FOXP3: variants seen among roughly 807,000 people sequenced by gnomAD.
FOXP3 encodes forkhead box protein P3.
A neutral mutation model predicts 31.2 loss-of-function variants in FOXP3; 5 were observed. That is an observed-to-expected ratio of 0.16 (90% CI 0.08 to 0.34). FOXP3 has a LOEUF of 0.34. FOXP3 is among the 10% of genes least tolerant of loss of function. FOXP3 has a pLI of 1.00. For synonymous variants in FOXP3, 141 were observed against 148.8 expected (o/e 0.95, Z 0.38); for missense variants, 251 against 363.0 (o/e 0.69, Z 2.51).
In FOXP3 at chrX:49,250,597, G is replaced by C. The variant is rs1326809055; in HGVS notation, c.*737C>G. On this transcript the variant is annotated 3_prime_UTR_variant, in exon 12 of 12. Coordinates refer to ENST00000376207, the MANE Select transcript of FOXP3 (RefSeq NM_014009.4). ...GCAGGGGAGACACGGGGTATTTTTG[G>C]CAAGGCAGTGTGTGTGGCTGTGTGT... is the stretch of plus-strand genomic sequence containing the variant. 5.6e-6 allele frequency: 2 copies of C among 358,197 alleles called. No homozygotes were observed. The highest frequency in any genetic ancestry group is 5.1e-5 in the African/African-American group (2 of 39,536). 29.5% of individuals were successfully genotyped at this position (358,197 alleles called of 1,213,427 possible).
chrX:49,260,295 C>A (rs2066102310), intron 1 of FOXP3, among the ~76,000 whole-genome samples: 1 of 112,057 alleles, frequency 8.9e-6, no homozygotes. Flanking sequence ...CCAGAAGGAA[C>A]CAACCCTGGC....
chrX:49,253,749 G>A (rs952807393), intron 9 of FOXP3, among the ~76,000 whole-genome samples, 168 bp downstream of exon 9: 3 of 111,956 alleles, frequency 2.7e-5, no homozygotes, highest in Non-Finnish European at 5.6e-5. Flanking sequence ...CGGACATCCC[G>A]AAAGGAAGCT....
chrX:49,261,672 G>A (rs969472259), intron 1 of FOXP3, among the ~76,000 whole-genome samples: 1 of 112,214 alleles, frequency 8.9e-6, no homozygotes, highest in Non-Finnish European at 1.9e-5. Flanking sequence ...CTGTGATCGT[G>A]GATCGTCCAA....
chrX:49,256,115 G>A (rs370936702), intron 6 of FOXP3, among the ~76,000 whole-genome samples: 8 of 110,534 alleles, frequency 7.2e-5, no homozygotes, highest in South Asian at 3.8e-4. Context: ...GGGACGGCCT[G>A]TGCAAAGGCC....
At chrX:49,255,626 G>A in intron 7 of FOXP3, 89 bp downstream of exon 7, 10 of 1,110,513 alleles carry the variant, frequency 9.0e-6, no homozygotes, top group Middle Eastern at 2.4e-4. Context: ...ACCAGCCCTC[G>A]TCCCAGGTGA....
At position 49,250,730 on chromosome X, in the gene FOXP3, A is replaced by G. The variant is rs1263599520; in HGVS notation, c.*604T>C. On this transcript the variant is annotated 3_prime_UTR_variant, in exon 12 of 12. Coordinates refer to ENST00000376207, the MANE Select transcript of FOXP3 (RefSeq NM_014009.4). The stretch of plus-strand genomic sequence containing the variant: ...TGTGTGTGAGCGAGCACGTGTTGGG[A>G]CCTCAGATCCTGAGGGTACTGACGC... 1 of 253,265 alleles carries G rather than the reference A, an allele frequency of 3.9e-6. No individual in the cohort carries two copies. Among genetic ancestry groups the G allele is most frequent in the African/African-American group, 2.9e-5 (1 of 34,773 alleles). 20.9% of individuals were successfully genotyped at this position (253,265 alleles called of 1,213,427 possible).
chrX:49,256,226 G>A (rs1448003634), intron 6 of FOXP3, among the ~76,000 whole-genome samples: 16 of 11,232 alleles, frequency 1.4e-3, no homozygotes, highest in Admixed American at 5.6e-3. Flanking sequence ...GAGAAAGAGA[G>A]AGAGAGAGAG....
chrX:49,257,619 G>A, intron 3 of FOXP3, 45 bp downstream of exon 3: 1 of 1,187,092 alleles, frequency 8.4e-7, no homozygotes, highest in Non-Finnish European at 1.1e-6. Flanking sequence ...CCTCCCCACA[G>A]TTCTCCCACC....
rs1557116153 is a variant in FOXP3, at chrX:49,255,446, T to A, written c.799A>T (p.Thr267Ser). Residue 267 changes from threonine to serine, a missense_variant, in exon 8 of 12, where the codon ACC becomes TCC. By Grantham distance (58) the Thr-to-Ser change is moderately conservative. Transcript: ENST00000376207. ...QAHLAGKMAL[T>S]KASSVASSDK... is the part of the protein sequence containing the mutation. The stretch of plus-strand genomic sequence containing the variant: ...TCGCTCACCACAGATGAAGCCTTGG[T>A]CAGTGCCATTTTCCCAGCCAGGTGG... 2 of 1,204,119 alleles carry A rather than the reference T, an allele frequency of 1.7e-6. No individual in the cohort carries two copies. Among genetic ancestry groups the A allele is most frequent in the South Asian group, 1.8e-5 (1 of 55,357 alleles).
At chrX:49,258,162 G>T in intron 2 of FOXP3, 134 bp downstream of exon 2, 1 of 516,731 alleles carries the variant, frequency 1.9e-6, no homozygotes, top group Non-Finnish European at 3.2e-6. Context: ...ATAAGTCACA[G>T]ACTTGCCTGG....
Position 49,256,213 on chromosome X carries a change from AG to A in FOXP3, c.648-412del, listed in dbSNP as rs2147947884. 5.2e-5 allele frequency among the ~76,000 whole-genome samples: 3 copies of A among 57,807 alleles called. No individual in the cohort carries two copies. In the South Asian group the frequency reaches 3.2e-3, roughly 61 times the overall value. The allele number at this position is 57,807 out of a possible 115,157, so 50.2% of individuals were successfully genotyped here. A position where few individuals can be genotyped will look rare whatever the true frequency, so the allele number is the denominator to read the frequency against. On this transcript the variant is annotated intron_variant, in intron 6 of 11. Transcript: ENST00000376207. ...ATTTGTGTGTGTGTGTGTGTGAGAG[AG>A]AGAGAAAGAGAGAGAGAGAGAGAGA...
rs782696973 is a variant in FOXP3, at chrX:49,254,042, C to T, written c.842G>A (p.Cys281Tyr). Residue 281 changes from cysteine to tyrosine, a missense_variant, in exon 9 of 12, where the codon TGC becomes TAC. Around this residue, in one of 4 missense-constraint regions of FOXP3, gnomAD observed 57 missense variants for 60.9 expected, o/e 0.94. Coordinates refer to ENST00000376207, the MANE Select transcript of FOXP3 (RefSeq NM_014009.4). ...GCCTTGGCTGCCAGCAGCTACGATGCAGCAGGAGCCCTTGTCGGATGATGC... is the reference window on the plus strand; with the variant it reads ...GCCTTGGCTGCCAGCAGCTACGATGTAGCAGGAGCCCTTGTCGGATGATGC... ...SVASSDKGSC[C>Y]IVAAGSQGPV... 4 of 1,206,668 alleles carry T rather than the reference C, an allele frequency of 3.3e-6. No individual in the cohort carries two copies. The African/African-American group carries it at 7.0e-5, about 21-fold the overall frequency.
rs1367299971 is a variant in FOXP3, at chrX:49,251,691, G to A, written c.1119C>T (p.Phe373=). 8.3e-7 allele frequency: 1 copy of A among 1,205,457 alleles called. No homozygotes were observed. Among genetic ancestry groups the A allele is most frequent in the Admixed American group, 2.2e-5 (1 of 46,046 alleles). The change falls in exon 11 of 12, where the codon TTC becomes TTT. Residue 373 remains phenylalanine (F), a synonymous_variant. Transcript: ENST00000376207. ...IYHWFTRMFA[F]FRNHPATWKN... ...TCCAGGTGGCAGGATGGTTTCTGAA[G>A]AAGGCAAACATGCGTGTGAACCAGT...
At chrX:49,258,582 C>T in intron 1 of FOXP3, 55 bp from the exon 2 acceptor site, 2 of 962,103 alleles carry the variant, frequency 2.1e-6, no homozygotes, top group South Asian at 2.6e-5. Context: ...GTATGAGATA[C>T]TCGACCACCT....
chrX:49,261,501 C>A (rs2066109794), intron 1 of FOXP3, among the ~76,000 whole-genome samples: 1 of 112,533 alleles, frequency 8.9e-6, no homozygotes, highest in Admixed American at 9.3e-5. Context: ...TCTAGAGGGG[C>A]CCCACAATCA....
At chrX:49,254,138 TTTA>T in intron 8 of FOXP3, 71 bp from the exon 9 acceptor site, 1 of 1,108,320 alleles carries the variant, frequency 9.0e-7, no homozygotes, top group Non-Finnish European at 1.2e-6. Flanking sequence ...TTTTATGTTT[TTTA>T]TTTTTTTTGA....
rs1254475354 is a variant in FOXP3, at chrX:49,251,912, G to T, written c.1045-147C>A. Reference sequence around the variant, plus strand: ...GACTAGATGTGGGGTGAAGCATGGGGTCAAAGATGGGGTTAGAAAAGGGGT... The same window carrying T: ...GACTAGATGTGGGGTGAAGCATGGGTTCAAAGATGGGGTTAGAAAAGGGGT... On this transcript the variant is annotated intron_variant, in intron 10 of 11. Coordinates refer to ENST00000376207, the MANE Select transcript of FOXP3 (RefSeq NM_014009.4). 5.3e-6 allele frequency: 6 copies of T among 1,121,777 alleles called. No individual in the cohort carries two copies. In the East Asian group the frequency reaches 1.6e-4, roughly 31 times the overall value. 92.4% of individuals were successfully genotyped at this position (1,121,777 alleles called of 1,213,427 possible).
rs781920028 is a variant in FOXP3 at position 49,256,972 on chromosome X, C to T, written c.495G>A (p.Pro165=). 2.2e-5 allele frequency: 27 copies of T among 1,209,561 alleles called. No individual in the cohort carries two copies. Among genetic ancestry groups the T allele is most frequent in the Middle Eastern group, 2.5e-4 (1 of 4,018 alleles). ...VASLEWVSRE[P]ALLCTFPNPS... is the part of the protein sequence containing the mutation. ...GATTTGGGAAGGTGCAGAGCAGTGC[C>T]GGCTCCCTGGACACCCATTCCAGGC... Residue 165 remains proline (P), a synonymous_variant, in exon 5 of 12, where the codon CCG becomes CCA. Coordinates refer to ENST00000376207, the MANE Select transcript of FOXP3 (RefSeq NM_014009.4).
intron 10 of FOXP3, chrX:49,251,975 A>G (rs2066036117): frequency 1.4e-6 from 1 of 703,413 alleles, no homozygotes; most frequent in South Asian, 7.4e-5. Flanking sequence ...GGGTGTGGGT[A>G]TGGTTGTTCT....
Sources: gnomAD v4.1 joint callset for allele counts (sites outside exome capture counted in the v4.1 genomes callset) on GRCh38, gnomAD v4.1.1 for gene constraint, gnomAD v4.1.1 regional missense constraint, MANE v1.5 for transcripts, NCBI Gene and HGNC (gene_info 2026-07-23, HGNC 2026-07-21) for gene names.